Variants in SGCD observed in about 807,000 individuals in gnomAD.
SGCD encodes the protein delta-sarcoglycan.
SGCD carries 18 observed loss-of-function variants against 36.6 expected under a neutral mutation model. The ratio of observed to expected loss-of-function variants is 0.49; its 90% CI spans 0.34 to 0.73. The LOEUF is 0.73. SGCD is among the 30% of genes least tolerant of loss of function. SGCD has a pLI of 0.01. For missense variants in SGCD, 387 were observed against 346.7 expected (o/e 1.12, Z -0.92); for synonymous variants, 133 against 130.6 (o/e 1.02, Z -0.12).
intron 7 of SGCD, among the ~76,000 whole-genome samples, chr5:156,725,078 C>T (rs1007294993): frequency 3.3e-5 from 5 of 152,166 alleles, no homozygotes; most frequent in South Asian, 2.1e-4. Context: ...AAAGGAAGTT[C>T]TGTAAGAGGG....
intron 3 of SGCD, among the ~76,000 whole-genome samples, chr5:156,275,586 A>G (rs1461662170): frequency 1.3e-5 from 2 of 152,146 alleles, no homozygotes; most frequent in African/African-American, 2.4e-5. Context: ...TTCATTGGAT[A>G]GCATTACCAA....
intron 3 of SGCD, among the ~76,000 whole-genome samples, chr5:156,184,052 C>A (rs1763673284): frequency 6.6e-6 from 1 of 152,146 alleles, no homozygotes; most frequent in Non-Finnish European, 1.5e-5. Flanking sequence ...TTTAGCCTAG[C>A]CTACTGTAAA....
intron 3 of SGCD, among the ~76,000 whole-genome samples, chr5:156,257,335 A>C (rs1765739901): frequency 6.6e-6 from 1 of 151,942 alleles, no homozygotes; most frequent in Non-Finnish European, 1.5e-5. Flanking sequence ...TTAGCTGGGC[A>C]TGGTGGCGGG....
At chr5:156,617,303 A>G (rs1581263104) in intron 6 of SGCD, among the ~76,000 whole-genome samples, 1 of 152,352 alleles carries the variant, frequency 6.6e-6, no homozygotes, top group Middle Eastern at 3.4e-3. Context: ...CATTCGTTAA[A>G]GATTCATAAA....
At chr5:156,611,205 C>A (rs936006832) in intron 6 of SGCD, among the ~76,000 whole-genome samples, 8 of 152,208 alleles carry the variant, frequency 5.3e-5, no homozygotes, top group African/African-American at 1.9e-4. Flanking sequence ...TATGAATTTA[C>A]TTCTACAGTG....
At chr5:155,860,878 G>A in the SGCD span, among the ~76,000 whole-genome samples, 14 of 152,302 alleles carry the variant, frequency 9.2e-5, no homozygotes, top group South Asian at 2.7e-3. Context: ...AGACAAAGCT[G>A]CTAGAGCTCT....
the SGCD span, among the ~76,000 whole-genome samples, chr5:155,831,786 G>GA: frequency 6.6e-6 from 1 of 152,204 alleles, no homozygotes; most frequent in African/African-American, 2.4e-5. Flanking sequence ...TCTGTAGGGA[G>GA]AGCGGATATG....
intron 1 of SGCD, among the ~76,000 whole-genome samples, chr5:155,991,086 G>A (rs1023576180): frequency 2.0e-5 from 3 of 152,086 alleles, no homozygotes; most frequent in Non-Finnish European, 4.4e-5. Context: ...TGCCGTTCCA[G>A]GCCAATACCT....
chr5:155,991,965 T>A (rs2127564991), intron 1 of SGCD, among the ~76,000 whole-genome samples: 1 of 152,358 alleles, frequency 6.6e-6, no homozygotes, highest in African/African-American at 2.4e-5. Flanking sequence ...TCTGCCTTTC[T>A]TCATTTCTGT....
intron 3 of SGCD, among the ~76,000 whole-genome samples, chr5:156,245,857 G>T (rs1322274240): frequency 6.6e-6 from 1 of 152,080 alleles, no homozygotes; most frequent in East Asian, 1.9e-4. Flanking sequence ...ATTACAAATT[G>T]TACAAAATAT....
At chr5:156,197,957 G>A (rs1277961891) in intron 3 of SGCD, among the ~76,000 whole-genome samples, 1 of 151,906 alleles carries the variant, frequency 6.6e-6, no homozygotes, top group African/African-American at 2.4e-5. Flanking sequence ...GAGGAAGCCG[G>A]GGTTATCCTG....
chr5:156,376,114 T>G (rs983356405), intron 3 of SGCD, among the ~76,000 whole-genome samples: 1 of 152,222 alleles, frequency 6.6e-6, no homozygotes, highest in African/African-American at 2.4e-5. Flanking sequence ...CAAAATAGTT[T>G]GTTGCTCACT....
At chr5:156,515,520 G>A (rs941750523) in intron 4 of SGCD, among the ~76,000 whole-genome samples, 4 of 152,168 alleles carry the variant, frequency 2.6e-5, no homozygotes, top group Admixed American at 2.0e-4. Context: ...TAAGCAGGGT[G>A]GAGTGATGGC....
At chr5:156,626,159 G>T (rs1317447353) in intron 6 of SGCD, among the ~76,000 whole-genome samples, 1 of 152,180 alleles carries the variant, frequency 6.6e-6, no homozygotes, top group Non-Finnish European at 1.5e-5. Flanking sequence ...ATGCAGTAGG[G>T]CTGAGGTTGA....
At chr5:155,833,191 G>T in the SGCD span, among the ~76,000 whole-genome samples, 5 of 151,578 alleles carry the variant, frequency 3.3e-5, no homozygotes, top group Non-Finnish European at 7.4e-5. Flanking sequence ...GATCGCACCA[G>T]TACACTCCAG....
intron 1 of SGCD, among the ~76,000 whole-genome samples, chr5:155,983,385 C>T (rs4704908): frequency 0.29 from 43,439 of 152,042 alleles, 6,266 homozygotes; most frequent in South Asian, 0.37. Flanking sequence ...CTGCAACCTC[C>T]ACCTCCCAGG....
In SGCD at chr5:156,312,650, T is replaced by C. The variant is rs142213343; in HGVS notation, c.-43-16884T>C. Among the ~76,000 whole-genome samples the C allele has an allele frequency of 3.2e-3, 485 of 152,290 alleles. 2 individuals are homozygous for C. The highest frequency in any genetic ancestry group is 0.011 in the African/African-American group (449 of 41,586). On this transcript the variant is annotated intron_variant, in intron 3 of 9. Coordinates refer to the SGCD transcript ENST00000517913. ...CTTTATCTCTTACCCACTATTCCAC[T>C]ATGTGATTTGGGGCAGCTATGTAAC...
intron 3 of SGCD, among the ~76,000 whole-genome samples, chr5:156,427,418 A>G (rs1466208534): frequency 1.3e-5 from 2 of 152,010 alleles, no homozygotes; most frequent in East Asian, 1.9e-4. Flanking sequence ...GAATTCATCT[A>G]TCAGATCTAG....
chr5:156,446,369 T>A (rs1753756197), intron 3 of SGCD, among the ~76,000 whole-genome samples: 1 of 151,994 alleles, frequency 6.6e-6, no homozygotes, highest in Non-Finnish European at 1.5e-5. Context: ...AGAAGCTCAG[T>A]GTAGGCGTGA....
Sources: allele counts gnomAD v4.1 joint callset (sites outside exome capture counted in the v4.1 genomes callset), GRCh38; gene constraint gnomAD v4.1.1; transcripts MANE v1.5; gene names NCBI Gene and HGNC (gene_info 2026-07-23, HGNC 2026-07-21).